COL5A2: variants seen among roughly 807,000 people sequenced by gnomAD.
COL5A2 encodes the protein collagen type V alpha 2 chain, also known as collagen alpha-2(V) chain.
COL5A2 carries 23 observed loss-of-function variants against 208.2 expected under a neutral mutation model. The ratio of observed to expected loss-of-function variants is 0.11; its 90% confidence interval spans 0.08 to 0.16. COL5A2 has a LOEUF of 0.16. Among genes scored for constraint, COL5A2 ranks in the 10% least tolerant of loss-of-function variants. The pLI, the probability that COL5A2 is intolerant of heterozygous loss-of-function variation, is 1.00. For synonymous variants in COL5A2, 625 were observed against 628.5 expected, an observed-to-expected ratio of 0.99 and a Z score of 0.08; for missense variants, 1,590 against 1,956.4, an observed-to-expected ratio of 0.81 and a Z score of 3.53.
the COL5A2 span, among the ~76,000 whole-genome samples, chr2:189,339,687 T>C: frequency 6.6e-6 from 1 of 151,858 alleles, no homozygotes; most frequent in Admixed American, 6.6e-5. Flanking sequence ...TGTGGGAAAA[T>C]AGGAATTAGA....
Position 189,108,857 on chromosome 2 carries a change from C to T in COL5A2, c.322+1368G>A, listed in dbSNP as rs145925125. ...GATATCAACTCTCCTTATGATCCCT[C>T]ATATTTCATCTTCATTTCTTTGTGA... is the stretch of plus-strand genomic sequence containing the variant. On this transcript the variant is annotated intron_variant, in intron 2 of 53. Transcript: ENST00000374866. Among the ~76,000 whole-genome samples the T allele has an allele frequency of 7.1e-3, 1,073 of 151,900 alleles. 12 individuals carry two copies. The highest frequency in any genetic ancestry group is 0.024 in the African/African-American group (990 of 41,496).
At chr2:189,097,702 A>G (rs918611766) in intron 5 of COL5A2, 2 of 472,114 alleles carry the variant, frequency 4.2e-6, no homozygotes, top group Non-Finnish European at 8.4e-6. Flanking sequence ...CTGATTTTGA[A>G]AATTACATAA....
At position 189,041,572 on chromosome 2, in the gene COL5A2, C is replaced by T. The variant is rs776087725; in HGVS notation, c.3633+14G>A. 3 of 1,580,576 alleles carry T rather than the reference C, an allele frequency of 1.9e-6. No individual in the cohort carries two copies. The highest frequency in any genetic ancestry group is 2.6e-6 in the Non-Finnish European group (3 of 1,149,556). The stretch of plus-strand genomic sequence containing the variant: ...TAAATAGCATTTCTTGCATGTAAAC[C>T]TTTGTGACTTTACCTCAGGTCCTGC... On this transcript the variant is annotated intron_variant, in intron 50 of 53. Coordinates refer to ENST00000374866, the MANE Select transcript of COL5A2 (RefSeq NM_000393.5).
At chr2:189,264,801 C>T in the COL5A2 span, among the ~76,000 whole-genome samples, 13 of 152,178 alleles carry the variant, frequency 8.5e-5, no homozygotes, top group South Asian at 1.9e-3. Flanking sequence ...ATACAAAGAA[C>T]ATTTATCACA....
the COL5A2 span, among the ~76,000 whole-genome samples, chr2:189,388,530 G>A: frequency 4.2e-4 from 64 of 152,302 alleles, no homozygotes; most frequent in African/African-American, 1.5e-3. Flanking sequence ...TGCAAGCCAA[G>A]ATAAATGGCG....
At chr2:189,125,318 C>T (rs960826428) in intron 1 of COL5A2, among the ~76,000 whole-genome samples, 4 of 152,150 alleles carry the variant, frequency 2.6e-5, no homozygotes, top group African/African-American at 9.7e-5. Flanking sequence ...TTATGTCCAG[C>T]TGCATTTACC....
rs112981662 is a variant in COL5A2, at chr2:189,072,984, C to G, written c.1105-891G>C. Among the ~76,000 whole-genome samples the G allele has an allele frequency of 8.0e-4, 121 of 152,190 alleles. 1 individual carries two copies. The highest frequency in any genetic ancestry group is 2.8e-3 in the African/African-American group (116 of 41,530). The stretch of plus-strand genomic sequence containing the variant: ...ATTGTACTTTAGTCTCATCAGTTTT[C>G]AATTAATAGAAGCCCTTTCAAAATG... On this transcript the variant is annotated intron_variant, in intron 17 of 53. Coordinates refer to ENST00000374866, the MANE Select transcript of COL5A2 (RefSeq NM_000393.5).
the COL5A2 span, among the ~76,000 whole-genome samples, chr2:189,302,739 G>C: frequency 1.9e-3 from 289 of 152,214 alleles, 1 homozygote; most frequent in Admixed American, 5.2e-3. Context: ...AAGCCCAAAC[G>C]TTGACTCATC....
chr2:189,378,231 A>C, the COL5A2 span, among the ~76,000 whole-genome samples: 1 of 152,226 alleles, frequency 6.6e-6, no homozygotes, highest in East Asian at 1.9e-4. Context: ...GATATGAGGC[A>C]GTTTAGACAA....
chr2:189,341,033 C>T, the COL5A2 span, among the ~76,000 whole-genome samples: 3 of 152,256 alleles, frequency 2.0e-5, no homozygotes, highest in South Asian at 4.1e-4. Context: ...AGATAGACTA[C>T]TTTGGTGTAA....
At chr2:189,276,307 T>C in the COL5A2 span, among the ~76,000 whole-genome samples, 48 of 152,298 alleles carry the variant, frequency 3.2e-4, no homozygotes, top group African/African-American at 1.1e-3. Context: ...TTGAAGATGA[T>C]TGTGTTAGGG....
At chr2:189,295,288 T>C in the COL5A2 span, among the ~76,000 whole-genome samples, 1 of 152,164 alleles carries the variant, frequency 6.6e-6, no homozygotes. Flanking sequence ...CTTTTAAAGA[T>C]TCTGAGTCCA....
chr2:189,220,921 C>T (rs990315954), intron 1 of COL5A2, among the ~76,000 whole-genome samples: 1 of 152,144 alleles, frequency 6.6e-6, no homozygotes, highest in African/African-American at 2.4e-5. Context: ...TCTCTTCCCT[C>T]TAAAATATAA....
intron 12 of COL5A2, among the ~76,000 whole-genome samples, chr2:189,082,996 G>A (rs1458534548): frequency 6.6e-6 from 1 of 152,136 alleles, no homozygotes; most frequent in South Asian, 2.1e-4. Context: ...TAAAAGATAA[G>A]GGAGCATTCA....
At chr2:189,161,234 G>A (rs1688358078) in intron 1 of COL5A2, among the ~76,000 whole-genome samples, 1 of 151,626 alleles carries the variant, frequency 6.6e-6, no homozygotes, top group Admixed American at 6.6e-5. Flanking sequence ...ACCAACCCAT[G>A]CTCTCAAGGG....
chr2:189,432,304 A>G, the COL5A2 span, among the ~76,000 whole-genome samples: 3 of 152,204 alleles, frequency 2.0e-5, no homozygotes, highest in African/African-American at 7.2e-5. Context: ...TAACATCATA[A>G]TGACAGGATC....
At chr2:189,127,855 C>T (rs1687638387) in intron 1 of COL5A2, among the ~76,000 whole-genome samples, 1 of 151,972 alleles carries the variant, frequency 6.6e-6, no homozygotes, top group Non-Finnish European at 1.5e-5. Context: ...GAAAAATCTA[C>T]ATTATATTGA....
the COL5A2 span, among the ~76,000 whole-genome samples, chr2:189,235,869 T>A: frequency 1.3e-5 from 2 of 151,558 alleles, no homozygotes; most frequent in African/African-American, 4.8e-5. Context: ...AGTAAGTAAC[T>A]AGTAATAGTG....
intron 17 of COL5A2, among the ~76,000 whole-genome samples, chr2:189,074,604 G>C (rs1399554879): frequency 1.3e-5 from 2 of 152,088 alleles, no homozygotes; most frequent in East Asian, 3.9e-4. Context: ...ATCTAATCAC[G>C]AAATTGAATT....
Sources: allele counts gnomAD v4.1 joint callset (sites outside exome capture counted in the v4.1 genomes callset), GRCh38; gene constraint gnomAD v4.1.1; transcripts MANE v1.5; gene names NCBI Gene and HGNC (gene_info 2026-07-23, HGNC 2026-07-21).